TRABD2A: variants seen among roughly 807,000 people sequenced by gnomAD.
TRABD2A encodes metalloprotease TIKI1.
A neutral mutation model predicts 45.6 loss-of-function variants in TRABD2A; 43 were observed. The ratio of observed to expected loss-of-function variants is 0.94; its 90% confidence interval spans 0.74 to 1.22. TRABD2A has a LOEUF of 1.22. Ranked by LOEUF, TRABD2A falls within the 50% of genes most tolerant of loss-of-function variation. TRABD2A has a pLI of 0.00. For synonymous variants in TRABD2A, 269 were observed against 265.0 expected (o/e 1.02, Z -0.15); for missense variants, 642 against 652.4 (o/e 0.98, Z 0.17).
intron 2 of TRABD2A, among the ~76,000 whole-genome samples, chr2:84,862,014 A>G (rs917554874): frequency 3.9e-5 from 6 of 152,354 alleles, no homozygotes; most frequent in African/African-American, 1.4e-4. Flanking sequence ...GAGAAAAAGA[A>G]TACAGAGAAG....
chr2:84,878,833 T>C (rs1244839336), intron 1 of TRABD2A, among the ~76,000 whole-genome samples: 1 of 152,194 alleles, frequency 6.6e-6, no homozygotes, highest in Admixed American at 6.5e-5. Context: ...CCTTACAGCA[T>C]GTGGGTCAGA....
chr2:84,870,282 C>T lies in TRABD2A; in HGVS notation c.612G>A (p.Gly204=), dbSNP rs1319613376. The change falls in exon 2 of 7, where the codon GGG becomes GGA. Residue 204 remains glycine (G), a synonymous_variant. Coordinates refer to ENST00000409520, the MANE Select transcript of TRABD2A (RefSeq NM_001277053.2). The part of the protein sequence containing the change: ...QEAERLRKQT[G]AVEKVEEQCH... ...ACTGCTCTTCCACCTTTTCCACTGC[C>T]CCAGTCTGTTTCCTCAGCCGCTCAG... 1.2e-6 allele frequency: 2 copies of T among 1,613,962 alleles called. No individual in the cohort carries two copies. Among genetic ancestry groups the T allele is most frequent in the South Asian group, 1.1e-5 (1 of 91,078 alleles).
chr2:84,866,035 G>A (rs1682668154), intron 2 of TRABD2A, among the ~76,000 whole-genome samples: 1 of 152,206 alleles, frequency 6.6e-6, no homozygotes, highest in South Asian at 2.1e-4. Context: ...GAGATGACAA[G>A]ATCAAATCCA....
chr2:84,846,009 C>T (rs1024153935), intron 2 of TRABD2A, among the ~76,000 whole-genome samples: 5 of 152,108 alleles, frequency 3.3e-5, no homozygotes, highest in African/African-American at 1.2e-4. Context: ...AAGTTAAACT[C>T]TCTGATTTCA....
intron 5 of TRABD2A, among the ~76,000 whole-genome samples, chr2:84,829,420 CA>C (rs1382364979): frequency 6.7e-6 from 1 of 149,244 alleles, no homozygotes; most frequent in Non-Finnish European, 1.5e-5. Context: ...ACACATACCA[CA>C]CACACTACAC....
rs1573918399 is a variant in TRABD2A at position 84,830,641 on chromosome 2, C to T, written c.1082+1414G>A. On this transcript the variant is annotated intron_variant, in intron 5 of 6. Transcript: ENST00000409520. The surrounding 1 kb of genome is among the most constrained non-coding windows in gnomAD (Gnocchi z 4.9). ...GGTGGAGAAGGAAAATGAGCAGTCT[C>T]ACATCAGCGCTTCTGTAAACTAGAA... 6.6e-6 allele frequency among the ~76,000 whole-genome samples: 1 copy of T among 152,270 alleles called. No homozygotes were observed. The highest frequency in any genetic ancestry group is 1.9e-4 in the East Asian group (1 of 5,184).
At chr2:84,835,767 C>T (rs1410815288) in intron 4 of TRABD2A, among the ~76,000 whole-genome samples, 1 of 151,070 alleles carries the variant, frequency 6.6e-6, no homozygotes, top group Non-Finnish European at 1.5e-5. Context: ...AATGCTATAT[C>T]TTCACATGGT....
intron 2 of TRABD2A, among the ~76,000 whole-genome samples, chr2:84,854,006 G>A (rs1421891240): frequency 1.3e-5 from 2 of 151,260 alleles, no homozygotes; most frequent in Admixed American, 6.6e-5. Context: ...GGCACAGAGC[G>A]AGACTCCATC....
chr2:84,855,608 T>C (rs1381122120), intron 2 of TRABD2A, among the ~76,000 whole-genome samples: 1 of 152,084 alleles, frequency 6.6e-6, no homozygotes, highest in Non-Finnish European at 1.5e-5. Flanking sequence ...TACTTCAGGG[T>C]TCAAATTCTA....
At chr2:84,831,953 G>A (rs1473369073) in intron 5 of TRABD2A, 102 bp downstream of exon 5, 27 of 1,133,954 alleles carry the variant, frequency 2.4e-5, no homozygotes, top group Non-Finnish European at 3.5e-5. Flanking sequence ...TGACGAGGCA[G>A]GGGTTCTCTG....
chr2:84,839,916 G>A (rs1681650639), intron 3 of TRABD2A, among the ~76,000 whole-genome samples: 1 of 152,150 alleles, frequency 6.6e-6, no homozygotes, highest in African/African-American at 2.4e-5. Flanking sequence ...GGATGAAAGT[G>A]CATCAAAATT....
chr2:84,879,525 G>C (rs1683133928), intron 1 of TRABD2A: 1 of 912,890 alleles, frequency 1.1e-6, no homozygotes, highest in Middle Eastern at 5.6e-4. Flanking sequence ...GAGACCAAAA[G>C]GTAGGACGAT....
At chr2:84,868,423 C>T (rs1220728426) in intron 2 of TRABD2A, among the ~76,000 whole-genome samples, 2 of 148,176 alleles carry the variant, frequency 1.3e-5, no homozygotes, top group African/African-American at 5.0e-5. Context: ...ACATCACACA[C>T]CAGGGCCTGT....
intron 3 of TRABD2A, 103 bp downstream of exon 3, chr2:84,841,758 A>G: frequency 1.6e-6 from 2 of 1,265,468 alleles, no homozygotes; most frequent in Non-Finnish European, 2.1e-6. Flanking sequence ...TAGAGCCCTC[A>G]TGACCTCAAT....
intron 2 of TRABD2A, among the ~76,000 whole-genome samples, chr2:84,869,870 T>C (rs1682815057): frequency 6.7e-6 from 1 of 149,438 alleles, no homozygotes; most frequent in Admixed American, 6.8e-5. Flanking sequence ...TCCCAGCTAC[T>C]AGGGAGGCTG....
At chr2:84,876,191 C>G (rs1473930289) in intron 1 of TRABD2A, among the ~76,000 whole-genome samples, 1 of 152,100 alleles carries the variant, frequency 6.6e-6, no homozygotes, top group Non-Finnish European at 1.5e-5. Context: ...ATATGTAAGT[C>G]TGGAGCTTGG....
At chr2:84,838,099 G>T in intron 4 of TRABD2A, 1 of 638,294 alleles carries the variant, frequency 1.6e-6, no homozygotes, top group Non-Finnish European at 2.9e-6. Context: ...GGAACTATTG[G>T]ACATGTCAAA....
At chr2:84,838,122 T>G (rs1043194401) in intron 4 of TRABD2A, 14 of 675,032 alleles carry the variant, frequency 2.1e-5, no homozygotes, top group Non-Finnish European at 3.5e-5. Context: ...GTGATGATTC[T>G]TTAAGGATGG....
At chr2:84,857,601 A>G (rs575952866) in intron 2 of TRABD2A, among the ~76,000 whole-genome samples, 1 of 152,332 alleles carries the variant, frequency 6.6e-6, no homozygotes, top group South Asian at 2.1e-4. Flanking sequence ...ATCCATGATC[A>G]GCATCCATGT....
Sources: gnomAD v4.1 joint callset for allele counts (sites outside exome capture counted in the v4.1 genomes callset) on GRCh38, gnomAD v4.1.1 for gene constraint, Gnocchi (gnomAD v3.1) non-coding constraint, MANE v1.5 for transcripts, NCBI Gene and HGNC (gene_info 2026-07-23, HGNC 2026-07-21) for gene names.